The following APBB2 variants were observed in gnomAD, a reference collection of about 807,000 sequenced individuals.
The protein encoded by APBB2 is amyloid beta precursor protein binding family B member 2, also known as Fe65-like 1.
Under a neutral mutation model 82.5 loss-of-function variants are expected in APBB2, and 38 were observed. The observed-to-expected ratio is 0.46, with a 90% CI of 0.36 to 0.60. The LOEUF (loss-of-function observed/expected upper bound fraction) is 0.60, where lower values mean the gene tolerates loss of function less well. APBB2 is among the 20% of genes least tolerant of loss of function. The pLI is 0.00. For synonymous variants in APBB2, 341 were observed against 368.2 expected (o/e 0.93, Z 0.85); for missense variants, 772 against 972.3 (o/e 0.79, Z 2.74).
chr4:41,073,043 T>C (rs1473158642), intron 3 of APBB2, among the ~76,000 whole-genome samples: 2 of 152,338 alleles, frequency 1.3e-5, no homozygotes, highest in East Asian at 3.9e-4. Flanking sequence ...ACACCTTAAT[T>C]AAGTACATAA....
At position 40,940,695 on chromosome 4, in the gene APBB2, C is replaced by A. The variant is rs142556319; in HGVS notation, c.1044+4170G>T. Reference sequence around the variant, plus strand: ...GGCTGATTTAGGACCAAGAGGAAACCACAGTTTGAGCAACAATTCATTTTC... The same window carrying A: ...GGCTGATTTAGGACCAAGAGGAAACAACAGTTTGAGCAACAATTCATTTTC... On this transcript the variant is annotated intron_variant, in intron 7 of 17. Transcript: ENST00000508593. Among the ~76,000 whole-genome samples, 282 of 152,282 alleles carry A rather than the reference C, an allele frequency of 1.9e-3. 1 individual carries two copies. Among genetic ancestry groups the A allele is most frequent in the African/African-American group, 6.2e-3 (259 of 41,558 alleles).
intron 1 of APBB2, among the ~76,000 whole-genome samples, chr4:41,202,040 C>T (rs1776821948): frequency 6.6e-6 from 1 of 152,200 alleles, no homozygotes; most frequent in Non-Finnish European, 1.5e-5. Flanking sequence ...TGAGAACATG[C>T]CCCCAGGAGC....
intron 17 of APBB2, among the ~76,000 whole-genome samples, chr4:40,819,049 G>A (rs1032516926): frequency 7.2e-5 from 11 of 151,756 alleles, no homozygotes; most frequent in East Asian, 3.9e-4. Context: ...GTGGGGGGGC[G>A]GCGGTCAGAG....
intron 5 of APBB2, among the ~76,000 whole-genome samples, chr4:41,025,259 T>C (rs1003038806): frequency 2.6e-5 from 4 of 152,084 alleles, no homozygotes; most frequent in Non-Finnish European, 4.4e-5. Context: ...AGACATACAT[T>C]TGGCCAAGAA....
At chr4:40,998,341 T>C (rs762986475) in intron 6 of APBB2, among the ~76,000 whole-genome samples, 13 of 152,246 alleles carry the variant, frequency 8.5e-5, no homozygotes, top group Non-Finnish European at 1.6e-4. Context: ...TATAAAATTA[T>C]GTATGGATAA....
intron 1 of APBB2, among the ~76,000 whole-genome samples, chr4:41,213,556 C>T (rs1177502069): frequency 6.6e-6 from 1 of 152,038 alleles, no homozygotes. Context: ...CGGCTGTTTG[C>T]CCCGAACCCG....
intron 12 of APBB2, among the ~76,000 whole-genome samples, chr4:40,873,538 C>G (rs1766094099): frequency 6.6e-6 from 1 of 152,146 alleles, no homozygotes; most frequent in African/African-American, 2.4e-5. Context: ...TATGCTAGAC[C>G]ACTGAGTTTG....
At chr4:40,918,975 G>A (rs1037914632) in intron 10 of APBB2, among the ~76,000 whole-genome samples, 25 of 151,588 alleles carry the variant, frequency 1.6e-4, no homozygotes, top group African/African-American at 6.1e-4. Context: ...TTCTTTTTTA[G>A]CTAGTATAAA....
Position 41,013,674 on chromosome 4 carries a change from G to A in APBB2, c.744C>T (p.His248=). The change falls in exon 6 of 18, where the codon CAC becomes CAT. Residue 248 remains histidine (H), a synonymous_variant. Transcript: ENST00000508593. ...CGCTCGGTGCCAGGTTCTGGATCCG[G>A]TGCAGTGCACAGTCGGTTTTGGCCC... is the stretch of plus-strand genomic sequence containing the variant. The part of the protein sequence containing the change: ...KTGAKTDCAL[H]RIQNLAPSDE... 6.2e-7 allele frequency: 1 copy of A among 1,614,226 alleles called. No individual in the cohort carries two copies. Among genetic ancestry groups the A allele is most frequent in the Non-Finnish European group, 8.5e-7 (1 of 1,180,040 alleles).
intron 10 of APBB2, among the ~76,000 whole-genome samples, chr4:40,908,208 G>GC (rs1777592700): frequency 6.6e-6 from 1 of 152,046 alleles, no homozygotes; most frequent in African/African-American, 2.4e-5. Context: ...CGGGAGAGCG[G>GC]CCCCAGGGGA....
At chr4:40,953,456 GGT>G (rs1790767851) in intron 6 of APBB2, among the ~76,000 whole-genome samples, 1 of 151,976 alleles carries the variant, frequency 6.6e-6, no homozygotes, top group Non-Finnish European at 1.5e-5. Flanking sequence ...ATGGTCAACT[GGT>G]GTGTCATTGC....
At chr4:40,998,611 T>C (rs1314540939) in intron 6 of APBB2, among the ~76,000 whole-genome samples, 2 of 152,188 alleles carry the variant, frequency 1.3e-5, no homozygotes, top group African/African-American at 4.8e-5. Context: ...TTTACTGAGA[T>C]ACACTAAGGA....
intron 10 of APBB2, among the ~76,000 whole-genome samples, chr4:40,919,059 G>C (rs1012569389): frequency 3.3e-5 from 5 of 152,080 alleles, no homozygotes; most frequent in African/African-American, 1.2e-4. Flanking sequence ...TTTCACCAGG[G>C]GTACAAGGAA....
chr4:41,106,628 C>T (rs1464100800), intron 2 of APBB2, among the ~76,000 whole-genome samples: 2 of 152,044 alleles, frequency 1.3e-5, no homozygotes, highest in Non-Finnish European at 2.9e-5. Context: ...AGGCGCCCGC[C>T]ACCACGCCAG....
chr4:40,851,765 C>G (rs891007180), intron 12 of APBB2, among the ~76,000 whole-genome samples: 1 of 125,728 alleles, frequency 8.0e-6, no homozygotes, highest in Admixed American at 8.2e-5. Context: ...TTTTCAAAAC[C>G]AAACCAAAGT....
chr4:40,944,340 G>C (rs1023045147), intron 7 of APBB2, among the ~76,000 whole-genome samples: 1 of 152,080 alleles, frequency 6.6e-6, no homozygotes, highest in Admixed American at 6.5e-5. Flanking sequence ...GCTGTTAATC[G>C]TTTCTAAAAT....
rs115791700 is a variant in APBB2, at chr4:40,967,291, C to T, written c.836-22218G>A. Among the ~76,000 whole-genome samples the T allele has an allele frequency of 4.0e-3, 602 of 152,272 alleles. 9 individuals are homozygous for T. The highest frequency in any genetic ancestry group is 0.014 in the African/African-American group (584 of 41,560). On this transcript the variant is annotated intron_variant, in intron 6 of 17. Coordinates refer to ENST00000508593, the MANE Select transcript of APBB2 (RefSeq NM_004307.2). ...TCTTCCTGGACGTAGGACAAGAACT[C>T]GGGACCTGCAGAATGGCAGGGCTGA... is the stretch of plus-strand genomic sequence containing the variant.
At chr4:40,933,275 C>T (rs1285068293) in intron 10 of APBB2, among the ~76,000 whole-genome samples, 1 of 152,174 alleles carries the variant, frequency 6.6e-6, no homozygotes, top group Non-Finnish European at 1.5e-5. Flanking sequence ...TTGGTACCTG[C>T]ACACAGACCA....
At chr4:40,913,295 A>G (rs1338178228) in intron 10 of APBB2, among the ~76,000 whole-genome samples, 1 of 147,946 alleles carries the variant, frequency 6.8e-6, no homozygotes, top group Admixed American at 6.7e-5. Context: ...CAATATGGAA[A>G]ATGTAATTCT....
Sources: allele counts gnomAD v4.1 joint callset (sites outside exome capture counted in the v4.1 genomes callset), GRCh38; gene constraint gnomAD v4.1.1; transcripts MANE v1.5; gene names NCBI Gene and HGNC (gene_info 2026-07-23, HGNC 2026-07-21).